Variants in MARCHF11 observed in about 807,000 individuals in gnomAD.
MARCHF11 encodes the protein E3 ubiquitin-protein ligase MARCHF11.
A neutral mutation model predicts 37.3 loss-of-function variants in MARCHF11; 29 were observed. That is an observed-to-expected ratio of 0.78 (90% CI 0.58 to 1.06). The LOEUF (loss-of-function observed/expected upper bound fraction) is 1.06. Ranked by LOEUF, MARCHF11 falls within the 50% of genes least tolerant of loss-of-function variation. The probability of loss-of-function intolerance (pLI) is 0.00; values close to 1 mark genes in which losing one functional copy is unlikely to be tolerated. For synonymous variants in MARCHF11, 233 were observed against 228.0 expected, an observed-to-expected ratio of 1.02 and a Z score of -0.20; for missense variants, 482 against 533.4, an observed-to-expected ratio of 0.90 and a Z score of 0.95.
At chr5:16,118,532 T>C (rs1156358825) in intron 2 of MARCHF11, among the ~76,000 whole-genome samples, 1 of 152,220 alleles carries the variant, frequency 6.6e-6, no homozygotes, top group Non-Finnish European at 1.5e-5. Context: ...AATTCTTTTA[T>C]AGACATATTC....
rs1738389739 is a variant in MARCHF11, at chr5:16,177,877, T to C, written c.542A>G (p.Glu181Gly). 1.9e-6 allele frequency: 3 copies of C among 1,605,726 alleles called. No individual in the cohort carries two copies. The highest frequency in any genetic ancestry group is 2.7e-5 in the African/African-American group (2 of 74,708). The change falls in exon 2 of 4, where the codon GAG (glutamate) becomes GGG (glycine). Residue 181 changes from glutamate to glycine, a missense_variant. Coordinates refer to ENST00000332432, the MANE Select transcript of MARCHF11 (RefSeq NM_001102562.3). ...ATCACATCGGCAGGGGTTCAACAACTCACCCTAAAAAGAAAACAGCTCAGT... is the reference window on the plus strand; with the variant it reads ...ATCACATCGGCAGGGGTTCAACAACCCACCCTAAAAAGAAAACAGCTCAGT... ...KICFQGAEQG[E>G]LLNPCRCDGS...
At chr5:16,164,799 C>A (rs1738142837) in intron 2 of MARCHF11, among the ~76,000 whole-genome samples, 1 of 151,984 alleles carries the variant, frequency 6.6e-6, no homozygotes, top group Non-Finnish European at 1.5e-5. Context: ...TTTCTTCATC[C>A]CTGCCATCAT....
chr5:16,171,972 C>G (rs1458810426), intron 2 of MARCHF11, among the ~76,000 whole-genome samples: 1 of 152,056 alleles, frequency 6.6e-6, no homozygotes, highest in Middle Eastern at 3.2e-3. Flanking sequence ...GTAGAAAAGT[C>G]GAAGGTATGT....
At chr5:16,164,276 A>G (rs1373519709) in intron 2 of MARCHF11, among the ~76,000 whole-genome samples, 3 of 152,144 alleles carry the variant, frequency 2.0e-5, no homozygotes. Flanking sequence ...AAAAATGGAC[A>G]TAATTGAATG....
chr5:16,091,496 G>A (rs761591362), intron 2 of MARCHF11, among the ~76,000 whole-genome samples: 52 of 152,080 alleles, frequency 3.4e-4, no homozygotes, highest in Admixed American at 1.3e-4. Flanking sequence ...CAAAAAGAGG[G>A]AACTGTCTCT....
intron 2 of MARCHF11, among the ~76,000 whole-genome samples, chr5:16,140,208 GA>G (rs1560986846): frequency 6.6e-6 from 1 of 151,096 alleles, no homozygotes; most frequent in Non-Finnish European, 1.5e-5. Flanking sequence ...TAGTAAATAA[GA>G]AAAAAATGCA....
intron 3 of MARCHF11, among the ~76,000 whole-genome samples, chr5:16,070,149 C>T (rs1382231217): frequency 6.6e-6 from 1 of 152,234 alleles, no homozygotes; most frequent in East Asian, 1.9e-4. Context: ...CAGATATTTT[C>T]AGGAAACAGC....
At chr5:16,083,231 C>T (rs1736641866) in intron 3 of MARCHF11, among the ~76,000 whole-genome samples, 1 of 152,064 alleles carries the variant, frequency 6.6e-6, no homozygotes, top group South Asian at 2.1e-4. Context: ...GCAAGTGGTC[C>T]CGAATCAGAC....
rs558814313 is a variant in MARCHF11 at position 16,093,198 on chromosome 5, G to T, written c.694-2117C>A. ...GCCGCATGTTCGAAATGTGTATGCC[G>T]GAACTGGAGGAGTCCTAGGTAACCA... On this transcript the variant is annotated intron_variant, in intron 2 of 3. Coordinates refer to ENST00000332432, the MANE Select transcript of MARCHF11 (RefSeq NM_001102562.3). Among the ~76,000 whole-genome samples, 3 of 152,158 alleles carry T rather than the reference G, an allele frequency of 2.0e-5. No individual in the cohort carries two copies. The South Asian group carries it at 6.2e-4, about 32-fold the overall frequency.
chr5:16,144,663 T>A (rs574404964), intron 2 of MARCHF11, among the ~76,000 whole-genome samples: 10 of 152,210 alleles, frequency 6.6e-5, no homozygotes, highest in Non-Finnish European at 7.3e-5. Flanking sequence ...ATGAGTCACA[T>A]GGCTCCGCAC....
At chr5:16,102,922 C>T (rs567469600) in intron 2 of MARCHF11, among the ~76,000 whole-genome samples, 2 of 152,188 alleles carry the variant, frequency 1.3e-5, no homozygotes, top group African/African-American at 4.8e-5. Flanking sequence ...GGGAGCCACC[C>T]TTTCACAAGT....
intron 2 of MARCHF11, among the ~76,000 whole-genome samples, chr5:16,127,176 G>T (rs1395290322): frequency 6.6e-6 from 1 of 152,176 alleles, no homozygotes; most frequent in Non-Finnish European, 1.5e-5. Flanking sequence ...AGGAGGCCAG[G>T]CTTACTAGAC....
chr5:16,122,257 A>C (rs1737321790), intron 2 of MARCHF11, among the ~76,000 whole-genome samples: 1 of 152,090 alleles, frequency 6.6e-6, no homozygotes, highest in African/African-American at 2.4e-5. Flanking sequence ...CACACGTATA[A>C]GCATGCACTG....
intron 2 of MARCHF11, among the ~76,000 whole-genome samples, chr5:16,157,194 G>T (rs1737991466): frequency 1.1e-5 from 1 of 93,270 alleles, no homozygotes; most frequent in Non-Finnish European, 2.1e-5. Context: ...AAAAGACATT[G>T]AAGAAGACAT....
intron 3 of MARCHF11, among the ~76,000 whole-genome samples, chr5:16,081,850 T>G (rs1321595226): frequency 6.6e-6 from 1 of 152,170 alleles, no homozygotes; most frequent in African/African-American, 2.4e-5. Context: ...GAGGGGGCCT[T>G]AAAGGGTTAA....
chr5:16,141,053 G>GC (rs1737693894), intron 2 of MARCHF11: 1 of 152,442 alleles, frequency 6.6e-6, no homozygotes, highest in South Asian at 2.1e-4. Flanking sequence ...TGTACAGGAT[G>GC]TGGGGGCTGG....
At chr5:16,116,544 A>G (rs1405782502) in intron 2 of MARCHF11, among the ~76,000 whole-genome samples, 1 of 152,202 alleles carries the variant, frequency 6.6e-6, no homozygotes, top group Non-Finnish European at 1.5e-5. Context: ...TTCTAAAAAA[A>G]GAAATGCTGT....
Position 16,067,680 on chromosome 5 carries a change from T to A in MARCHF11, c.1000A>T (p.Ser334Cys), listed in dbSNP as rs1261860247. 4 of 1,613,876 alleles carry A rather than the reference T, an allele frequency of 2.5e-6. No individual in the cohort carries two copies. The Admixed American group carries it at 6.7e-5, about 27-fold the overall frequency. The change falls in exon 4 of 4, where the codon AGC (serine) becomes TGC (cysteine). Residue 334 changes from serine to cysteine, a missense_variant. By Grantham distance (112) the Ser-to-Cys change is moderately radical. Coordinates refer to ENST00000332432, the MANE Select transcript of MARCHF11 (RefSeq NM_001102562.3). ...YDKATDIEES[S>C]RGESSTSRTL... ...CTACTTGTGGAAGACTCTCCCCGGC[T>A]GCTTTCTTCGATGTCTGTGGCTTTG...
At chr5:16,093,617 G>T (rs939800056) in intron 2 of MARCHF11, among the ~76,000 whole-genome samples, 1 of 152,172 alleles carries the variant, frequency 6.6e-6, no homozygotes, top group African/African-American at 2.4e-5. Context: ...GGTGAGGAGG[G>T]TGAATGAATG....
Sources: gnomAD v4.1 joint callset for allele counts (sites outside exome capture counted in the v4.1 genomes callset) on GRCh38, gnomAD v4.1.1 for gene constraint, MANE v1.5 for transcripts, NCBI Gene and HGNC (gene_info 2026-07-23, HGNC 2026-07-21) for gene names.